Variants in GOLM2 observed in about 807,000 individuals in gnomAD.
The protein encoded by GOLM2 is protein GOLM2.
Under a neutral mutation model 55.9 loss-of-function variants are expected in GOLM2, and 26 were observed. That is an observed-to-expected ratio of 0.47 (90% CI 0.34 to 0.65). The LOEUF (loss-of-function observed/expected upper bound fraction) is 0.65. Ranked by LOEUF, GOLM2 falls within the 30% of genes least tolerant of loss-of-function variation. The pLI, the probability that GOLM2 is intolerant of heterozygous loss-of-function variation, is 0.01. For synonymous variants in GOLM2, 165 were observed against 194.6 expected (o/e 0.85, Z 1.27); for missense variants, 486 against 531.8 (o/e 0.91, Z 0.85).
At chr15:44,315,314 G>A (rs1381988473) in intron 1 of GOLM2, among the ~76,000 whole-genome samples, 1 of 152,290 alleles carries the variant, frequency 6.6e-6, no homozygotes. Context: ...ATAACCTTTG[G>A]AATAAATGGT....
At chr15:44,378,032 A>ATTATTTATTTATTTAT (rs534507298) in intron 6 of GOLM2, among the ~76,000 whole-genome samples, 1 of 148,748 alleles carries the variant, frequency 6.7e-6, no homozygotes, top group African/African-American at 2.5e-5. Flanking sequence ...TATTTTTTAA[A>ATTATTTATTTATTTAT]TTATTTATTT....
intron 1 of GOLM2, among the ~76,000 whole-genome samples, chr15:44,290,538 A>G (rs187157401): frequency 1.0e-3 from 153 of 152,286 alleles, no homozygotes; most frequent in African/African-American, 3.7e-3. Flanking sequence ...TCACCATAAC[A>G]TAGACATGCT....
rs1481191925 is a variant in GOLM2 at position 44,380,609 on chromosome 15, C to T, written c.902-197C>T. ...ACCTGGGAATGATCAGTAAACTTCC[C>T]ACAGCTAAAATCACATTGGTTATAA... On this transcript the variant is annotated intron_variant, in intron 7 of 9. Coordinates refer to ENST00000299957, the MANE Select transcript of GOLM2 (RefSeq NM_138423.4). 3.3e-5 allele frequency among the ~76,000 whole-genome samples: 5 copies of T among 149,544 alleles called. No individual in the cohort carries two copies. The East Asian group carries it at 9.7e-4, about 29-fold the overall frequency.
intron 9 of GOLM2, among the ~76,000 whole-genome samples, chr15:44,412,734 G>T (rs1414248776): frequency 6.6e-6 from 1 of 152,086 alleles, no homozygotes; most frequent in African/African-American, 2.4e-5. Flanking sequence ...TGGGCACTGT[G>T]GCTCACGCCT....
intron 6 of GOLM2, among the ~76,000 whole-genome samples, chr15:44,355,931 C>T (rs960104005): frequency 6.6e-6 from 1 of 152,126 alleles, no homozygotes; most frequent in Non-Finnish European, 1.5e-5. Flanking sequence ...AGAAAGATAA[C>T]TGGAAAATCC....
intron 6 of GOLM2, among the ~76,000 whole-genome samples, chr15:44,350,859 A>G (rs1467710802): frequency 1.1e-4 from 16 of 152,224 alleles, no homozygotes; most frequent in Admixed American, 1.0e-3. Flanking sequence ...GTATCAACAG[A>G]ATGAAGGACA....
chr15:44,334,483 G>A (rs1026943819), intron 4 of GOLM2, among the ~76,000 whole-genome samples: 9 of 152,052 alleles, frequency 5.9e-5, no homozygotes, highest in Non-Finnish European at 1.0e-4. Context: ...ACTATAGCCC[G>A]CAGGCTGAAT....
chr15:44,294,895 CAA>C (rs879342350), intron 1 of GOLM2, among the ~76,000 whole-genome samples: 14 of 123,296 alleles, frequency 1.1e-4, no homozygotes, highest in Admixed American at 1.7e-4. Flanking sequence ...CTCTGTCTCA[CAA>C]AAAAAAAAAA....
intron 1 of GOLM2, chr15:44,308,488 CT>C (rs1374652297): frequency 6.6e-6 from 1 of 152,160 alleles, no homozygotes; most frequent in Non-Finnish European, 1.5e-5. Flanking sequence ...AGTTCTTCCC[CT>C]CTTTCAGTTA....
At chr15:44,306,716 A>G (rs1254225529) in intron 1 of GOLM2, among the ~76,000 whole-genome samples, 1 of 152,196 alleles carries the variant, frequency 6.6e-6, no homozygotes, top group Non-Finnish European at 1.5e-5. Context: ...GAACACTTAG[A>G]GGTCATTGTA....
intron 5 of GOLM2, 39 bp downstream of exon 5, chr15:44,337,946 A>C (rs2079068588): frequency 6.5e-7 from 1 of 1,532,864 alleles, no homozygotes; most frequent in Non-Finnish European, 8.8e-7. Flanking sequence ...TATTAATAGG[A>C]TATTGACTTT....
intron 8 of GOLM2, among the ~76,000 whole-genome samples, chr15:44,397,528 ACAC>A (rs1255715338): frequency 6.7e-6 from 1 of 149,744 alleles, no homozygotes; most frequent in African/African-American, 2.4e-5. Flanking sequence ...ACACACACAC[ACAC>A]ATCATAGATT....
At chr15:44,341,238 G>A (rs1238219618) in intron 6 of GOLM2, among the ~76,000 whole-genome samples, 3 of 151,548 alleles carry the variant, frequency 2.0e-5, no homozygotes, top group East Asian at 1.9e-4. Context: ...CCACCACCAC[G>A]TCCAGCTAAT....
intron 8 of GOLM2, among the ~76,000 whole-genome samples, chr15:44,400,601 T>TA (rs1491277065): frequency 5.0e-5 from 7 of 138,892 alleles, no homozygotes; most frequent in African/African-American, 2.0e-4. Flanking sequence ...TTTTTTTTTT[T>TA]AGTCTTGCTC....
At chr15:44,342,759 T>G (rs1459182083) in intron 6 of GOLM2, among the ~76,000 whole-genome samples, 1 of 152,212 alleles carries the variant, frequency 6.6e-6, no homozygotes. Flanking sequence ...TTCATATCTT[T>G]GTATCTGGAG....
intron 6 of GOLM2, among the ~76,000 whole-genome samples, chr15:44,374,927 C>A (rs2079354080): frequency 6.6e-6 from 1 of 152,146 alleles, no homozygotes; most frequent in Admixed American, 6.5e-5. Context: ...CATGATATTC[C>A]CTGTTGACTT....
At chr15:44,343,823 CAAAAAAAA>C (rs1201462381) in intron 6 of GOLM2, among the ~76,000 whole-genome samples, 2 of 67,310 alleles carry the variant, frequency 3.0e-5, no homozygotes, top group Non-Finnish European at 6.0e-5. Flanking sequence ...GACTCTGTCT[CAAAAAAAA>C]AAAAAAAGAA....
At chr15:44,340,173 G>C (rs897533550) in intron 6 of GOLM2, among the ~76,000 whole-genome samples, 4 of 151,710 alleles carry the variant, frequency 2.6e-5, no homozygotes, top group Non-Finnish European at 2.9e-5. Context: ...TGCCCAGGCT[G>C]ATCTCAAACT....
At chr15:44,318,696 G>A (rs978691234) in intron 1 of GOLM2, among the ~76,000 whole-genome samples, 2 of 144,638 alleles carry the variant, frequency 1.4e-5, no homozygotes, top group South Asian at 2.2e-4. Context: ...GCAACAGACC[G>A]ACACTCTGTC....
Sources: allele counts gnomAD v4.1 joint callset (sites outside exome capture counted in the v4.1 genomes callset), GRCh38; gene constraint gnomAD v4.1.1; transcripts MANE v1.5; gene names NCBI Gene and HGNC (gene_info 2026-07-23, HGNC 2026-07-21).